Variants in HTR4 observed in about 807,000 individuals in gnomAD.
HTR4 encodes 5-hydroxytryptamine receptor 4, also known as 5-hydroxytryptamine (serotonin) receptor 4, G protein-coupled.
A neutral mutation model predicts 36.8 loss-of-function variants in HTR4; 16 were observed. The ratio of observed to expected loss-of-function variants is 0.43; its 90% CI spans 0.29 to 0.66. HTR4 has a LOEUF of 0.66. HTR4 is among the 30% of genes least tolerant of loss of function. The pLI, the probability that HTR4 is intolerant of heterozygous loss-of-function variation, is 0.13. For missense variants in HTR4, 438 were observed against 490.9 expected (o/e 0.89, Z 1.02); for synonymous variants, 189 against 185.1 (o/e 1.02, Z -0.17).
At chr5:148,490,620 C>T (rs1756373724) in intron 6 of HTR4, 1 of 1,170,610 alleles carries the variant, frequency 8.5e-7, no homozygotes, top group Non-Finnish European at 1.1e-6. Context: ...GAAATGTTGA[C>T]TAATGAACAT....
intron 5 of HTR4, among the ~76,000 whole-genome samples, chr5:148,510,447 C>A (rs1330423218): frequency 1.3e-5 from 2 of 152,192 alleles, no homozygotes; most frequent in Non-Finnish European, 2.9e-5. Context: ...CCTTCCCTGT[C>A]TGCTTGCACA....
At chr5:148,548,626 C>A in intron 4 of HTR4, 42 bp downstream of exon 4, 1 of 1,483,300 alleles carries the variant, frequency 6.7e-7, no homozygotes, top group Non-Finnish European at 9.2e-7. Context: ...CAAGTCATGT[C>A]TCCAGCATGG....
chr5:148,473,469 G>GACAATCAGTAATAATAACAGTAAT (rs1755623014), downstream of HTR4, among the ~76,000 whole-genome samples: 1 of 152,160 alleles, frequency 6.6e-6, no homozygotes, highest in South Asian at 2.1e-4. Context: ...TGGAATATTA[G>GACAATCAGTAATAATAACAGTAAT]ACAATCAGTA....
intron 2 of HTR4, among the ~76,000 whole-genome samples, chr5:148,579,187 G>C (rs1319363966): frequency 6.6e-6 from 1 of 152,056 alleles, no homozygotes; most frequent in African/African-American, 2.4e-5. Flanking sequence ...AGTTGAGCCT[G>C]GGGGCACAGC....
chr5:148,609,604 C>T (rs1424663197), intron 2 of HTR4, among the ~76,000 whole-genome samples: 4 of 149,722 alleles, frequency 2.7e-5, no homozygotes, highest in Non-Finnish European at 5.9e-5. Flanking sequence ...TTTGAGACTC[C>T]GCCCAGGCTG....
intron 2 of HTR4, among the ~76,000 whole-genome samples, chr5:148,566,215 C>T (rs531160524): frequency 5.4e-4 from 82 of 152,160 alleles, no homozygotes; most frequent in African/African-American, 1.8e-3. Context: ...AAATACCATC[C>T]AAAGTTAAAA....
At chr5:148,547,923 C>A (rs1759472231) in intron 4 of HTR4, among the ~76,000 whole-genome samples, 1 of 152,104 alleles carries the variant, frequency 6.6e-6, no homozygotes, top group Non-Finnish European at 1.5e-5. Context: ...TTGATAACAG[C>A]ATGTTTGTGT....
intron 5 of HTR4, chr5:148,466,018 A>C: frequency 3.2e-6 from 5 of 1,558,688 alleles, no homozygotes; most frequent in Non-Finnish European, 3.5e-6. Flanking sequence ...AGATTAGTAG[A>C]CACATGATCT....
At chr5:148,571,234 A>G (rs1399713353) in intron 2 of HTR4, among the ~76,000 whole-genome samples, 1 of 152,142 alleles carries the variant, frequency 6.6e-6, no homozygotes, top group African/African-American at 2.4e-5. Context: ...CATACACTGA[A>G]TAAAGGGAAG....
downstream of HTR4, chr5:148,476,687 G>T (rs917819361): frequency 8.2e-6 from 13 of 1,586,082 alleles, no homozygotes; most frequent in African/African-American, 1.6e-4. Context: ...CCTGTGTTGG[G>T]CACTAAGAAA....
intron 6 of HTR4, among the ~76,000 whole-genome samples, chr5:148,489,115 A>G (rs971211607): frequency 7.9e-5 from 12 of 152,222 alleles, no homozygotes; most frequent in African/African-American, 2.9e-4. Flanking sequence ...TAAAATATCT[A>G]GGAGAAAATA....
At chr5:148,627,863 A>G (rs898847550) in intron 2 of HTR4, among the ~76,000 whole-genome samples, 1 of 152,260 alleles carries the variant, frequency 6.6e-6, no homozygotes, top group Admixed American at 6.5e-5. Context: ...ACTAAAAGTC[A>G]TAATATGGTT....
downstream of HTR4, among the ~76,000 whole-genome samples, chr5:148,474,300 G>A (rs949032760): frequency 1.8e-4 from 28 of 151,988 alleles, no homozygotes; most frequent in Admixed American, 1.2e-3. Context: ...AAAAGCGATC[G>A]CTATAAGGCT....
intron 2 of HTR4, among the ~76,000 whole-genome samples, chr5:148,597,006 C>T (rs1761803883): frequency 6.6e-6 from 1 of 152,126 alleles, no homozygotes; most frequent in South Asian, 2.1e-4. Context: ...GAGCAGAAGC[C>T]TCCACTCACC....
At chr5:148,541,398 T>C (rs1020932999) in intron 4 of HTR4, among the ~76,000 whole-genome samples, 2 of 152,188 alleles carry the variant, frequency 1.3e-5, no homozygotes, top group Non-Finnish European at 2.9e-5. Flanking sequence ...AGATAAGGCC[T>C]ACTCTCAAGA....
chr5:148,613,120 A>ATTCC lies in HTR4; in HGVS notation c.26+23865_26+23868dup, dbSNP rs1172609576. Among the ~76,000 whole-genome samples the ATTCC allele has an allele frequency of 1.6e-3, 234 of 149,530 alleles. 2 individuals carry two copies. The highest frequency in any genetic ancestry group is 5.5e-3 in the African/African-American group (221 of 40,478). ...AGAGGTACAAGGAGGAACTGGTACC[A>ATTCC]TTCCTTCTGAAACTATTCCAATCAA... On this transcript the variant is annotated intron_variant, in intron 2 of 6. Transcript: ENST00000377888.
chr5:148,583,920 A>G (rs1761249153), intron 2 of HTR4, among the ~76,000 whole-genome samples: 2 of 152,148 alleles, frequency 1.3e-5, no homozygotes, highest in Non-Finnish European at 2.9e-5. Context: ...TACCAACTTG[A>G]TGGTGGAATT....
intron 4 of HTR4, among the ~76,000 whole-genome samples, chr5:148,532,815 G>T (rs1758637765): frequency 6.6e-6 from 1 of 152,194 alleles, no homozygotes; most frequent in Non-Finnish European, 1.5e-5. Flanking sequence ...TTCTCAAATT[G>T]TATCATCTGT....
intron 5 of HTR4, 55 bp from the exon 6 acceptor site, chr5:148,510,079 A>G: frequency 8.2e-7 from 1 of 1,226,560 alleles, no homozygotes; most frequent in East Asian, 2.5e-5. Context: ...GGAAAGAAAA[A>G]GTGAAAAAGA....
Sources: gnomAD v4.1 joint callset for allele counts (sites outside exome capture counted in the v4.1 genomes callset) on GRCh38, gnomAD v4.1.1 for gene constraint, MANE v1.5 for transcripts, NCBI Gene and HGNC (gene_info 2026-07-23, HGNC 2026-07-21) for gene names.